The following OTOP3 variants were observed in gnomAD, a reference collection of about 807,000 sequenced individuals.
OTOP3 encodes the protein proton channel OTOP3.
OTOP3 carries 41 observed loss-of-function variants against 50.8 expected under a neutral mutation model. The observed-to-expected ratio is 0.81, with a 90% CI of 0.63 to 1.05. The LOEUF (loss-of-function observed/expected upper bound fraction) is 1.05. OTOP3 is among the 50% of genes least tolerant of loss of function. OTOP3 has a pLI of 0.00. For missense variants in OTOP3, 788 were observed against 760.8 expected, an observed-to-expected ratio of 1.04 and a Z score of -0.42; for synonymous variants, 320 against 324.4, an observed-to-expected ratio of 0.99 and a Z score of 0.14.
intron 1 of OTOP3, 37 bp downstream of exon 1, chr17:74,935,977 C>A: frequency 6.5e-7 from 1 of 1,538,352 alleles, no homozygotes; most frequent in South Asian, 1.2e-5. Context: ...TCCCAGCTTG[C>A]GCACCCCAGA....
At chr17:74,939,496 C>A (rs1025250268) in intron 1 of OTOP3, among the ~76,000 whole-genome samples, 2 of 152,136 alleles carry the variant, frequency 1.3e-5, no homozygotes, top group African/African-American at 4.8e-5. Context: ...GCAGCAGAAC[C>A]ATCCCCACTC....
At chr17:74,947,643 C>G (rs2039243239) in intron 6 of OTOP3, among the ~76,000 whole-genome samples, 168 bp downstream of exon 6, 1 of 152,208 alleles carries the variant, frequency 6.6e-6, no homozygotes, top group African/African-American at 2.4e-5. Flanking sequence ...ATGAATGTGC[C>G]AAGCACTTGG....
At chr17:74,947,872 C>T (rs1045438812) in intron 6 of OTOP3, among the ~76,000 whole-genome samples, 3 of 152,210 alleles carry the variant, frequency 2.0e-5, no homozygotes, top group African/African-American at 4.8e-5. Context: ...AATGTCTCTA[C>T]GCTTCATTGA....
Position 74,946,957 on chromosome 17 carries a change from G to T in OTOP3, c.1048G>T (p.Ala350Ser), listed in dbSNP as rs749687724. The T allele has an allele frequency of 6.2e-7, 1 of 1,613,446 alleles. No individual in the cohort carries two copies. Among genetic ancestry groups the T allele is most frequent in the Non-Finnish European group, 8.5e-7 (1 of 1,180,020 alleles). Residue 350 changes from alanine (A) to serine (S), a missense_variant, in exon 6 of 7, where the codon GCT (alanine) becomes TCT (serine). Coordinates refer to ENST00000328801, the MANE Select transcript of OTOP3 (RefSeq NM_001272005.2). ...FQIEASGPAI[A>S]CQYFTLYYAF... ...AATCGAGGCCAGTGGCCCTGCCATTGCTTGCCAGTACTTCACCCTCTACTA... is the reference window on the plus strand; with the variant it reads ...AATCGAGGCCAGTGGCCCTGCCATTTCTTGCCAGTACTTCACCCTCTACTA...
At chr17:74,938,340 C>G (rs911603804) in intron 1 of OTOP3, among the ~76,000 whole-genome samples, 10 of 151,726 alleles carry the variant, frequency 6.6e-5, no homozygotes, top group African/African-American at 2.4e-4. Context: ...AGCCTGGGGT[C>G]TCAAGGGAGA....
At chr17:74,936,314 A>G (rs942117796) in intron 1 of OTOP3, among the ~76,000 whole-genome samples, 1 of 152,006 alleles carries the variant, frequency 6.6e-6, no homozygotes, top group Non-Finnish European at 1.5e-5. Context: ...AGTCCCTAAA[A>G]TGGCTCGGAA....
Position 74,942,007 on chromosome 17 carries a change from T to G in OTOP3, c.543T>G (p.Ser181=). 1.2e-6 allele frequency: 2 copies of G among 1,612,892 alleles called. No homozygotes were observed. The highest frequency in any genetic ancestry group is 1.7e-6 in the Non-Finnish European group (2 of 1,179,324). ...AGTCACAGCTGGACCTTGTCTTCTC[T>G]GTCATCGAGATGGTCTTCATCGGCG... is the stretch of plus-strand genomic sequence containing the variant. ...RCKSQLDLVF[S]VIEMVFIGVQ... Residue 181 remains serine (S), a synonymous_variant, in exon 3 of 7, where the codon TCT becomes TCG. Transcript: ENST00000328801.
chr17:74,941,566 G>A lies in OTOP3; in HGVS notation c.193G>A (p.Ala65Thr), dbSNP rs748461042. The part of the protein sequence containing the change: ...FSLLLRRDRQ[A>T]QKAGQLFSGL... The stretch of plus-strand genomic sequence containing the variant: ...TCTGCTGCTGCGGCGGGACCGGCAG[G>A]CCCAGAAGGCTGGACAACTCTTCTC... Residue 65 changes from alanine (A) to threonine (T), a missense_variant, in exon 2 of 7, where the codon GCC becomes ACC. By Grantham distance (58) the Ala-to-Thr change is moderately conservative (BLOSUM62 0). Coordinates refer to ENST00000328801, the MANE Select transcript of OTOP3 (RefSeq NM_001272005.2). 1.9e-6 allele frequency: 3 copies of A among 1,611,650 alleles called. No individual in the cohort carries two copies. Among genetic ancestry groups the A allele is most frequent in the East Asian group, 2.2e-5 (1 of 44,858 alleles).
At position 74,947,001 on chromosome 17, in the gene OTOP3, GC is replaced by G. The variant is rs1316248769; in HGVS notation, c.1093del (p.Leu365CysfsTer4). ...TCTACTATGCCTTCTATGTGGCTGT[GC>G]TGCCCACCATGAGTCTGGCGTGCCT... Reference protein sequence around the residue: ...TLYYAFYVAVLPTMSLACLAG... With the variant: ...TLYYAFYVAVXPTMSLACLAG... On this transcript the variant is annotated frameshift_variant, in exon 6 of 7. Coordinates refer to ENST00000328801, the MANE Select transcript of OTOP3 (RefSeq NM_001272005.2). LOFTEE classifies it high-confidence loss of function. 1 of 1,613,888 alleles carries G rather than the reference GC, an allele frequency of 6.2e-7. No homozygotes were observed. Among genetic ancestry groups the G allele is most frequent in the East Asian group, 2.2e-5 (1 of 44,890 alleles).
chr17:74,943,842 G>C (rs2039201646), intron 5 of OTOP3, 118 bp downstream of exon 5: 1 of 874,978 alleles, frequency 1.1e-6, no homozygotes. Context: ...GGTCTATAGA[G>C]TTGGGAGCAA....
chr17:74,935,842 G>A, upstream of OTOP3: 1 of 1,531,162 alleles, frequency 6.5e-7, no homozygotes, highest in Non-Finnish European at 8.8e-7. Context: ...CAGTCCCGCT[G>A]GGGGAGGGCG....
rs921076765 is a variant in OTOP3 at position 74,947,386 on chromosome 17, C to T, written c.1477C>T (p.Leu493=). 6.2e-7 allele frequency: 1 copy of T among 1,613,142 alleles called. No individual in the cohort carries two copies. The highest frequency in any genetic ancestry group is 1.7e-5 in the Admixed American group (1 of 60,024). ...GGGCCAGGGCCTGCAGCGGGCCTCA[C>T]TGGCCTACATCCACTCCTACAGCCA... ...ELGQGLQRAS[L]AYIHSYSHLN... is the part of the protein sequence containing the mutation. Residue 493 remains leucine (L), a synonymous_variant, in exon 6 of 7, where the codon CTG becomes TTG. Transcript: ENST00000328801.
intron 6 of OTOP3, among the ~76,000 whole-genome samples, chr17:74,948,221 G>A (rs2039247549): frequency 6.6e-6 from 1 of 152,056 alleles, no homozygotes; most frequent in African/African-American, 2.4e-5. Flanking sequence ...GAGGGGGCAG[G>A]GGGTCATAAC....
chr17:74,935,861 A>C (rs1598599431), upstream of OTOP3: 1 of 1,535,002 alleles, frequency 6.5e-7, no homozygotes, highest in East Asian at 2.5e-5. Context: ...CGTCGCGGGC[A>C]TCGGTCTCAC....
chr17:74,940,132 C>CACACACACACAT (rs1457396683), intron 1 of OTOP3, among the ~76,000 whole-genome samples: 4 of 118,230 alleles, frequency 3.4e-5, no homozygotes, highest in African/African-American at 1.3e-4. Context: ...CACACACACA[C>CACACACACACAT]ATACATATAT....
chr17:74,941,616 G>T lies in OTOP3; in HGVS notation c.243G>T (p.Val81=), dbSNP rs753731134. 3 of 1,613,864 alleles carry T rather than the reference G, an allele frequency of 1.9e-6. No individual in the cohort carries two copies. Among genetic ancestry groups the T allele is most frequent in the Non-Finnish European group, 2.5e-6 (3 of 1,179,824 alleles). Residue 81 remains valine (V), a synonymous_variant, in exon 2 of 7, where the codon GTG becomes GTT. Coordinates refer to ENST00000328801, the MANE Select transcript of OTOP3 (RefSeq NM_001272005.2). The part of the protein sequence containing the change: ...LFSGLLALNV[V]FLGGAFICSM... ...CGGGGCTCCTGGCCCTGAATGTGGT[G>T]TTCCTGGGTGGCGCCTTCATCTGCA...
At position 74,943,724 on chromosome 17, in the gene OTOP3, G is replaced by T; in HGVS notation, c.751G>T (p.Gly251Cys). The T allele has an allele frequency of 1.3e-6, 2 of 1,598,020 alleles. No individual in the cohort carries two copies. Among genetic ancestry groups the T allele is most frequent in the South Asian group, 1.1e-5 (1 of 90,748 alleles). The change falls in exon 5 of 7, where the codon GGC becomes TGC. Residue 251 changes from glycine (G) to cysteine (C), a missense_variant and splice_region_variant. Transcript: ENST00000328801. ...ELGILMEKST[G>C]NETNTCLCLN... The stretch of plus-strand genomic sequence containing the variant: ...TGGCATCCTCATGGAAAAATCCACA[G>T]GTATGGAAAGGAGACCAGGTCTTCC...
At chr17:74,947,561 C>A in intron 6 of OTOP3, 86 bp downstream of exon 6, 1 of 1,277,046 alleles carries the variant, frequency 7.8e-7, no homozygotes, top group Non-Finnish European at 1.1e-6. Flanking sequence ...GGATCAAGGA[C>A]ACATCTTTTT....
intron 6 of OTOP3, among the ~76,000 whole-genome samples, chr17:74,948,688 A>G (rs2039252011): frequency 6.6e-6 from 1 of 151,816 alleles, no homozygotes; most frequent in African/African-American, 2.4e-5. Context: ...AAAAATAAAA[A>G]TTAGCCAGGC....
Sources: allele counts gnomAD v4.1 joint callset (sites outside exome capture counted in the v4.1 genomes callset), GRCh38; gene constraint gnomAD v4.1.1; transcripts MANE v1.5; gene names NCBI Gene and HGNC (gene_info 2026-07-23, HGNC 2026-07-21).